SCOC: variants seen among roughly 807,000 people sequenced by gnomAD.
The protein encoded by SCOC is short coiled coil protein.
A neutral mutation model predicts 9.9 loss-of-function variants in SCOC; 7 were observed. That is an observed-to-expected ratio of 0.71 (90% confidence interval 0.40 to 1.33). The LOEUF is 1.33. Among genes scored for constraint, SCOC ranks in the 40% most tolerant of loss-of-function variants. The pLI, the probability that SCOC is intolerant of heterozygous loss-of-function variation, is 0.01. For synonymous variants in SCOC, 19 were observed against 28.2 expected (o/e 0.67, Z 1.03); for missense variants, 66 against 89.7 (o/e 0.74, Z 1.07).
chr4:140,380,196 T>TTC (rs1728513862), intron 3 of SCOC, among the ~76,000 whole-genome samples: 1 of 123,500 alleles, frequency 8.1e-6, no homozygotes, highest in South Asian at 3.0e-4. Context: ...TTCTTTTTCT[T>TTC]TTTTTTTTTT....
intron 2 of SCOC, among the ~76,000 whole-genome samples, chr4:140,360,100 G>A (rs530884210): frequency 2.7e-4 from 41 of 152,222 alleles, no homozygotes; most frequent in Non-Finnish European, 5.1e-4. Context: ...CTGTGATTTC[G>A]TGAAATGCCA....
upstream of SCOC, among the ~76,000 whole-genome samples, chr4:140,371,668 T>C (rs79926433): frequency 0.015 from 2,286 of 152,316 alleles, 42 homozygotes; most frequent in African/African-American, 0.053. Context: ...TAATTTTCTT[T>C]TTGTCTATTC....
chr4:140,359,708 A>T (rs1727379775), intron 2 of SCOC, among the ~76,000 whole-genome samples: 1 of 152,236 alleles, frequency 6.6e-6, no homozygotes, highest in Non-Finnish European at 1.5e-5. Context: ...TCAATATGAC[A>T]TCAGACTCAG....
chr4:140,303,479 C>G (rs145518812), intron 1 of SCOC, among the ~76,000 whole-genome samples: 6 of 152,270 alleles, frequency 3.9e-5, no homozygotes, highest in African/African-American at 1.2e-4. Context: ...AGCCCCTGAC[C>G]CTGGTGACAC....
upstream of SCOC, among the ~76,000 whole-genome samples, chr4:140,368,811 T>C (rs1029631120): frequency 6.6e-6 from 1 of 152,182 alleles, no homozygotes; most frequent in Non-Finnish European, 1.5e-5. Flanking sequence ...TAGCTACCTA[T>C]GGAGATATTT....
intron 2 of SCOC, among the ~76,000 whole-genome samples, chr4:140,344,799 T>C (rs1220008155): frequency 1.3e-5 from 2 of 152,202 alleles, no homozygotes; most frequent in African/African-American, 4.8e-5. Flanking sequence ...CCATGTTTCT[T>C]AGCTTCGGGA....
intron 1 of SCOC, among the ~76,000 whole-genome samples, chr4:140,305,530 A>G (rs183791096): frequency 4.6e-5 from 7 of 152,350 alleles, no homozygotes; most frequent in Admixed American, 4.6e-4. Context: ...ACAAACCAAC[A>G]AACAAATGAA....
At chr4:140,288,782 A>G (rs1178732005) in intron 1 of SCOC, among the ~76,000 whole-genome samples, 11 of 152,032 alleles carry the variant, frequency 7.2e-5, no homozygotes, top group Admixed American at 7.2e-4. Flanking sequence ...CCCCCTACGC[A>G]TACCACACAT....
Position 140,290,718 on chromosome 4 carries a change from C to T in SCOC, c.-19+33308C>T, listed in dbSNP as rs573358583. 2.6e-5 allele frequency among the ~76,000 whole-genome samples: 4 copies of T among 152,234 alleles called. No individual in the cohort carries two copies. In the South Asian group the frequency reaches 6.2e-4, roughly 24 times the overall value. ...GTCTTAGCTACTTGGGAGGCTGAGG[C>T]GGGAGAATCACTTGAACCCAGGAGG... On this transcript the variant is annotated intron_variant, in intron 1 of 4. Coordinates refer to the SCOC transcript ENST00000394205.
At chr4:140,365,130 C>G (rs1325161320) in intron 2 of SCOC, among the ~76,000 whole-genome samples, 1 of 149,516 alleles carries the variant, frequency 6.7e-6, no homozygotes, top group Non-Finnish European at 1.5e-5. Flanking sequence ...ACAGGATTTA[C>G]CACAGAGCCA....
chr4:140,343,775 C>G, intron 2 of SCOC: 1 of 1,124,076 alleles, frequency 8.9e-7, no homozygotes, highest in Non-Finnish European at 1.3e-6. Flanking sequence ...AAAAATATAA[C>G]TTTTATTATT....
chr4:140,305,106 C>T (rs761134141), intron 1 of SCOC, among the ~76,000 whole-genome samples: 26 of 152,114 alleles, frequency 1.7e-4, no homozygotes, highest in Non-Finnish European at 3.2e-4. Context: ...GAAAAACAAC[C>T]GCATTGCAGA....
upstream of SCOC, among the ~76,000 whole-genome samples, chr4:140,339,238 G>A (rs1189300225): frequency 2.6e-5 from 4 of 152,072 alleles, no homozygotes; most frequent in Non-Finnish European, 5.9e-5. Flanking sequence ...GGGAAAACTG[G>A]CTAGCCATAT....
intron 2 of SCOC, chr4:140,343,808 C>T: frequency 1.4e-6 from 1 of 723,058 alleles, no homozygotes; most frequent in Non-Finnish European, 2.2e-6. Flanking sequence ...ATAAAGCATA[C>T]TCATTGTAGA....
intron 1 of SCOC, among the ~76,000 whole-genome samples, chr4:140,288,192 C>G (rs138877155): frequency 6.6e-6 from 1 of 151,894 alleles, no homozygotes; most frequent in Non-Finnish European, 1.5e-5. Context: ...TAAAAATGAC[C>G]TACACCACAC....
rs994729267 is a variant in SCOC, at chr4:140,364,220, C to T, written c.71-14901C>T. Among the ~76,000 whole-genome samples the T allele has an allele frequency of 4.0e-5, 6 of 151,450 alleles. No homozygotes were observed. In the East Asian group the frequency reaches 9.7e-4, roughly 24 times the overall value. Reference sequence around the variant, plus strand: ...TACTGTGATGTGATTTGAGAAAAAGCGAAGTCATTATATGACAACTTAGAG... The same window carrying T: ...TACTGTGATGTGATTTGAGAAAAAGTGAAGTCATTATATGACAACTTAGAG... On this transcript the variant is annotated intron_variant, in intron 2 of 4. Coordinates refer to the SCOC transcript ENST00000338517.
chr4:140,343,385 G>A (rs767758966), upstream of SCOC: 23 of 366,074 alleles, frequency 6.3e-5, no homozygotes, highest in South Asian at 4.3e-4. Flanking sequence ...TACAGCAGCC[G>A]TGCCAGCACA....
At position 140,381,262 on chromosome 4, in the gene SCOC, C is replaced by A. The variant is rs546525432; in HGVS notation, c.*158C>A. On this transcript the variant is annotated 3_prime_UTR_variant, in exon 4 of 4. Transcript: ENST00000608372. ...AAATAACACAATAACAGGAGACTTC[C>A]ATAAGTTTGTGTATTATGTTAGTCT... The A allele has an allele frequency of 3.4e-4, 217 of 640,786 alleles. 4 individuals carry two copies. The South Asian group carries it at 5.5e-3, about 16-fold the overall frequency. The allele number at this position is 640,786 out of a possible 1,614,324, so 39.7% of individuals were successfully genotyped here. A position where few individuals can be genotyped will look rare whatever the true frequency, so the allele number is the denominator to read the frequency against.
At chr4:140,313,299 G>A (rs1344303244) in intron 1 of SCOC, among the ~76,000 whole-genome samples, 3 of 152,178 alleles carry the variant, frequency 2.0e-5, no homozygotes, top group African/African-American at 7.2e-5. Flanking sequence ...AGGCTGGAGT[G>A]CAATGGCGCG....
Sources: gnomAD v4.1 joint callset for allele counts (sites outside exome capture counted in the v4.1 genomes callset) on GRCh38, gnomAD v4.1.1 for gene constraint, MANE v1.5 for transcripts, NCBI Gene and HGNC (gene_info 2026-07-23, HGNC 2026-07-21) for gene names.